The following HERC1 variants were observed in gnomAD, a reference collection of about 807,000 sequenced individuals.
The protein encoded by HERC1 is probable E3 ubiquitin-protein ligase HERC1.
In HERC1, 160 loss-of-function variants were observed where a neutral mutation model predicts 554.3. The observed-to-expected ratio is 0.29, with a 90% CI of 0.25 to 0.33. The LOEUF (loss-of-function observed/expected upper bound fraction) is 0.33. Ranked by LOEUF, HERC1 falls within the 10% of genes least tolerant of loss-of-function variation. The probability of loss-of-function intolerance (pLI) is 1.00; values close to 1 mark genes in which losing one functional copy is unlikely to be tolerated. For synonymous variants in HERC1, 2,175 were observed against 2,131.7 expected, an observed-to-expected ratio of 1.02 and a Z score of -0.56; for missense variants, 4,919 against 5,918.5, an observed-to-expected ratio of 0.83 and a Z score of 5.54.
intron 12 of HERC1, among the ~76,000 whole-genome samples, chr15:63,739,947 G>A (rs2074727043): frequency 6.6e-6 from 1 of 150,992 alleles, no homozygotes. Context: ...GTCTCACTCT[G>A]TTGCCCAGGC....
At chr15:63,633,996 G>A in intron 66 of HERC1, 26 bp from the exon 67 acceptor site, 1 of 1,613,154 alleles carries the variant, frequency 6.2e-7, no homozygotes, top group South Asian at 1.1e-5. Flanking sequence ...CATTCCGTAA[G>A]GCAAATCACA....
chr15:63,824,917 C>G (rs1440956349), intron 1 of HERC1, among the ~76,000 whole-genome samples: 2 of 147,840 alleles, frequency 1.4e-5, no homozygotes, highest in Non-Finnish European at 3.0e-5. Context: ...TACATAGAAA[C>G]AGAGACTAGA....
At chr15:63,672,845 ATTC>A (rs1425995295) in intron 38 of HERC1, among the ~76,000 whole-genome samples, 151 bp from the exon 39 acceptor site, 4 of 152,214 alleles carry the variant, frequency 2.6e-5, no homozygotes, top group Non-Finnish European at 4.4e-5. Flanking sequence ...AGAAAAAAAT[ATTC>A]TTACTTATAT....
intron 1 of HERC1, among the ~76,000 whole-genome samples, chr15:63,814,866 G>A (rs553231075): frequency 2.5e-4 from 38 of 152,262 alleles, no homozygotes; most frequent in African/African-American, 8.9e-4. Context: ...ATTGTTAAGA[G>A]GATCAAATAA....
At chr15:63,709,850 C>T (rs909450124) in intron 24 of HERC1, among the ~76,000 whole-genome samples, 3 of 152,100 alleles carry the variant, frequency 2.0e-5, no homozygotes, top group East Asian at 1.9e-4. Context: ...ATAAGACAAA[C>T]GGTAAATTAT....
chr15:63,612,220 A>C lies in HERC1; in HGVS notation c.14400+31T>G, dbSNP rs199937922. 28 of 1,543,772 alleles carry C rather than the reference A, an allele frequency of 1.8e-5. No individual in the cohort carries two copies. The African/African-American group carries it at 3.7e-4, about 20-fold the overall frequency. On this transcript the variant is annotated intron_variant, in intron 77 of 77. Coordinates refer to ENST00000443617, the MANE Select transcript of HERC1 (RefSeq NM_003922.4). This position sits in a 1 kb window ranked among gnomAD's most constrained non-coding sequence, Gnocchi z 5.0. ...ACAACAATGAAGCAATAAGGCAGACATTACAAAGGAAAAAAGAATAGCTTA... is the reference window on the plus strand; with the variant it reads ...ACAACAATGAAGCAATAAGGCAGACCTTACAAAGGAAAAAAGAATAGCTTA...
intron 1 of HERC1, among the ~76,000 whole-genome samples, chr15:63,786,670 T>C (rs1596252123): frequency 6.6e-6 from 1 of 152,236 alleles, no homozygotes; most frequent in East Asian, 1.9e-4. Flanking sequence ...TAATGTATGA[T>C]TCTATTTATA....
Position 63,662,040 on chromosome 15 carries a change from T to C in HERC1, c.8902-19A>G, listed in dbSNP as rs1382567586. 6.9e-6 allele frequency: 11 copies of C among 1,599,796 alleles called. No homozygotes were observed. Among genetic ancestry groups the C allele is most frequent in the African/African-American group, 1.3e-5 (1 of 74,622 alleles). On this transcript the variant is annotated intron_variant, in intron 44 of 77. Coordinates refer to ENST00000443617, the MANE Select transcript of HERC1 (RefSeq NM_003922.4). ...AAACATGCTGCACAAAAGGATTTCATACCAAATGATTAGTCAATTTAACAT... is the reference window on the plus strand; with the variant it reads ...AAACATGCTGCACAAAAGGATTTCACACCAAATGATTAGTCAATTTAACAT...
rs1319921059 is a variant in HERC1, at chr15:63,637,677, C to T, written c.12094-34G>A. On this transcript the variant is annotated intron_variant, in intron 63 of 77. Coordinates refer to ENST00000443617, the MANE Select transcript of HERC1 (RefSeq NM_003922.4). Reference sequence around the variant, plus strand: ...AAAACACAGAATTAAATATTTTATTCTTTATTATATTGCTTTAACATGCAA... The same window carrying T: ...AAAACACAGAATTAAATATTTTATTTTTTATTATATTGCTTTAACATGCAA... 7.3e-6 allele frequency: 11 copies of T among 1,509,476 alleles called. No individual in the cohort carries two copies. The East Asian group carries it at 1.7e-4, about 24-fold the overall frequency. The allele number at this position is 1,509,476 out of a possible 1,614,324, so 93.5% of individuals were successfully genotyped here. A position where few individuals can be genotyped will look rare whatever the true frequency, so the allele number is the denominator to read the frequency against.
chr15:63,664,202 G>A (rs1196349129), intron 43 of HERC1, among the ~76,000 whole-genome samples: 1 of 152,156 alleles, frequency 6.6e-6, no homozygotes, highest in South Asian at 2.1e-4. Context: ...AGAGCAGAAG[G>A]AAGAGCATTT....
chr15:63,693,956 T>G lies in HERC1; in HGVS notation c.5674+8A>C, dbSNP rs2072265704. 6.5e-7 allele frequency: 1 copy of G among 1,549,658 alleles called. No homozygotes were observed. The highest frequency in any genetic ancestry group is 8.7e-7 in the Non-Finnish European group (1 of 1,146,232). ...GTAAGTAAAGACAGAGAAAGAGGCT[T>G]ACATTACCTCTGAAATCTTTCTTCT... On this transcript the variant is annotated splice_region_variant and intron_variant, in intron 30 of 77. Coordinates refer to ENST00000443617, the MANE Select transcript of HERC1 (RefSeq NM_003922.4).
chr15:63,719,975 G>A lies in HERC1; in HGVS notation c.3743-1078C>T, dbSNP rs539763015. On this transcript the variant is annotated intron_variant, in intron 19 of 77. Coordinates refer to ENST00000443617, the MANE Select transcript of HERC1 (RefSeq NM_003922.4). ...ATTTGATGCCATAAAAGTATATACT[G>A]TGAATACAAGTACATTTAAGTGGGT... Among the ~76,000 whole-genome samples, 181 of 152,106 alleles carry A rather than the reference G, an allele frequency of 1.2e-3. 1 individual carries two copies. Among genetic ancestry groups the A allele is most frequent in the African/African-American group, 4.3e-3 (178 of 41,492 alleles).
At position 63,655,821 on chromosome 15, in the gene HERC1, T is replaced by C; in HGVS notation, c.10005A>G (p.Thr3335=). The C allele has an allele frequency of 6.3e-7, 1 of 1,597,298 alleles. No homozygotes were observed. Among genetic ancestry groups the C allele is most frequent in the Non-Finnish European group, 8.5e-7 (1 of 1,171,114 alleles). Residue 3335 remains threonine, a synonymous_variant, in exon 50 of 78, where the codon ACA becomes ACG. Transcript: ENST00000443617. ...KLVTSPNFVV[T]QALVALLADK... ...CTGCTAGCAATGCCACAAGGGCCTGTGTTACAACAAAGTTTGGGGAGGTCA... is the reference window on the plus strand; with the variant it reads ...CTGCTAGCAATGCCACAAGGGCCTGCGTTACAACAAAGTTTGGGGAGGTCA...
chr15:63,680,005 T>C lies in HERC1; in HGVS notation c.6549+72A>G. On this transcript the variant is annotated intron_variant, in intron 36 of 77. Transcript: ENST00000443617. This position sits in a 1 kb window ranked among gnomAD's most constrained non-coding sequence, Gnocchi z 5.8. The stretch of plus-strand genomic sequence containing the variant: ...ATGGCAGAAGAAATAGCTTATTATA[T>C]TTATAAACTCTATCTGATGCTAAAC... The C allele has an allele frequency of 9.5e-7, 1 of 1,051,972 alleles. No individual in the cohort carries two copies. Among genetic ancestry groups the C allele is most frequent in the South Asian group, 1.5e-5 (1 of 65,924 alleles). The allele number at this position is 1,051,972 out of a possible 1,614,324, so 65.2% of individuals were successfully genotyped here. A position where few individuals can be genotyped will look rare whatever the true frequency, so the allele number is the denominator to read the frequency against.
At position 63,638,445 on chromosome 15, in the gene HERC1, G is replaced by A; in HGVS notation, c.12059C>T (p.Pro4020Leu). ...LAEAGRNVMVPAAAPSFSQAQ... is the reference protein window; with the variant it reads ...LAEAGRNVMVLAAAPSFSQAQ... ...CTGTGAGAATGAGGGAGCTGCTGCA[G>A]GTACCATTACATTTCTTCCAGCTTC... The change falls in exon 63 of 78, where the codon CCT (proline) becomes CTT (leucine). Residue 4020 changes from proline to leucine, a missense_variant. Coordinates refer to ENST00000443617, the MANE Select transcript of HERC1 (RefSeq NM_003922.4). The A allele has an allele frequency of 4.3e-6, 7 of 1,613,792 alleles. No homozygotes were observed. Among genetic ancestry groups the A allele is most frequent in the Non-Finnish European group, 5.9e-6 (7 of 1,179,776 alleles).
Position 63,648,068 on chromosome 15 carries a change from C to G in HERC1, c.10878+1G>C. ...ATTACGTTTTTTAAAGATGCATTTACCTTATGTGCATCAATTAGAACAATG... is the reference window on the plus strand; with the variant it reads ...ATTACGTTTTTTAAAGATGCATTTAGCTTATGTGCATCAATTAGAACAATG... On this transcript the variant is annotated splice_donor_variant, in intron 55 of 77. Transcript: ENST00000443617. LOFTEE classifies it high-confidence loss of function. 6.4e-7 allele frequency: 1 copy of G among 1,553,178 alleles called. No homozygotes were observed. The highest frequency in any genetic ancestry group is 8.7e-7 in the Non-Finnish European group (1 of 1,147,054).
chr15:63,781,986 G>C (rs2076302420), intron 1 of HERC1, among the ~76,000 whole-genome samples: 1 of 152,212 alleles, frequency 6.6e-6, no homozygotes, highest in Non-Finnish European at 1.5e-5. Flanking sequence ...TGAAGGCTGA[G>C]AGAGGTAAGG....
intron 12 of HERC1, among the ~76,000 whole-genome samples, chr15:63,737,402 T>TATATATATATATATCTTTTTTCCAG (rs1434215533): frequency 5.6e-5 from 5 of 89,178 alleles, no homozygotes; most frequent in Non-Finnish European, 1.3e-4. Context: ...TTTTTCCAGA[T>TATATATATATATATCTTTTTTCCAG]ATATATATAT....
At chr15:63,616,246 C>G (rs1297342603) in intron 75 of HERC1, among the ~76,000 whole-genome samples, 184 bp downstream of exon 75, 2 of 47,260 alleles carry the variant, frequency 4.2e-5, no homozygotes, top group East Asian at 1.9e-4. Flanking sequence ...AGTGCAGGAG[C>G]CTGCTCTATT....
Sources: allele counts gnomAD v4.1 joint callset (sites outside exome capture counted in the v4.1 genomes callset), GRCh38; gene constraint gnomAD v4.1.1; non-coding constraint Gnocchi (gnomAD v3.1); transcripts MANE v1.5; gene names NCBI Gene and HGNC (gene_info 2026-07-23, HGNC 2026-07-21).